OR51B5: variants seen among roughly 807,000 people sequenced by gnomAD.
OR51B5 encodes the protein olfactory receptor family 51 subfamily B member 5.
For missense variants in OR51B5, 456 were observed against 374.6 expected (o/e 1.22, Z -1.79); for synonymous variants, 186 against 144.8 (o/e 1.28, Z -2.04).
intron 1 of OR51B5, chr11:5,454,327 A>G: frequency 6.2e-7 from 1 of 1,614,178 alleles, no homozygotes; most frequent in Non-Finnish European, 8.5e-7. Context: ...TCAAATGTGT[A>G]CCTATTTGTG....
chr11:5,454,459 T>A, intron 1 of OR51B5: 1 of 1,540,030 alleles, frequency 6.5e-7, no homozygotes, highest in South Asian at 1.2e-5. Context: ...TCTGTTATTT[T>A]GGCCATAGGC....
intron 1 of OR51B5, among the ~76,000 whole-genome samples, chr11:5,398,447 C>G (rs1398764022): frequency 6.6e-6 from 1 of 152,104 alleles, no homozygotes; most frequent in East Asian, 1.9e-4. Flanking sequence ...GGGCAGCATT[C>G]CAGCCCCAGG....
rs776443251 is a variant in OR51B5 at position 5,422,586 on chromosome 11, G to C, written n.85-75676C>G. Reference sequence around the variant, plus strand: ...TCCGTTGACTGCTATGTGGCCATCTGCTGTCCCCTCCATTATGCCTCCATC... The same window carrying C: ...TCCGTTGACTGCTATGTGGCCATCTCCTGTCCCCTCCATTATGCCTCCATC... On this transcript the variant is annotated intron_variant and non_coding_transcript_variant, in intron 1 of 4. Coordinates refer to the OR51B5 transcript ENST00000415970. 5.6e-6 allele frequency: 9 copies of C among 1,614,090 alleles called. 1 individual carries two copies. The South Asian group carries it at 9.9e-5, about 18-fold the overall frequency.
intron 1 of OR51B5, among the ~76,000 whole-genome samples, chr11:5,466,155 A>C (rs961673378): frequency 6.6e-6 from 1 of 152,256 alleles, no homozygotes; most frequent in Non-Finnish European, 1.5e-5. Flanking sequence ...TTGATAATTT[A>C]TCATTTACGT....
intron 1 of OR51B5, among the ~76,000 whole-genome samples, chr11:5,487,529 C>G (rs1337867000): frequency 6.6e-6 from 1 of 152,124 alleles, no homozygotes; most frequent in African/African-American, 2.4e-5. Flanking sequence ...GAGATTTGTT[C>G]AAAGTCACAA....
At chr11:5,417,801 T>C (rs986453254) in intron 1 of OR51B5, among the ~76,000 whole-genome samples, 3 of 125,780 alleles carry the variant, frequency 2.4e-5, no homozygotes, top group African/African-American at 8.4e-5. Context: ...TGTGGAGAAA[T>C]AGGAACACTT....
chr11:5,429,440 G>C (rs1317859826), intron 1 of OR51B5, among the ~76,000 whole-genome samples: 1 of 152,180 alleles, frequency 6.6e-6, no homozygotes, highest in Non-Finnish European at 1.5e-5. Flanking sequence ...ATAATATGTG[G>C]TGAGGACAAT....
intron 1 of OR51B5, among the ~76,000 whole-genome samples, chr11:5,396,226 C>A (rs1179444667): frequency 6.6e-6 from 1 of 152,110 alleles, no homozygotes; most frequent in South Asian, 2.1e-4. Context: ...CCCGGGCAAT[C>A]GGGCAGGAGA....
rs376981809 is a variant in OR51B5 at position 5,489,617 on chromosome 11, G to A, written n.84+15952C>T. On this transcript the variant is annotated intron_variant and non_coding_transcript_variant, in intron 1 of 4. Transcript: ENST00000415970. ...TATGGAGCTAGAACCAAGGAGATTCGGAGTCGACTTCTAAAACTGCTTCAC... is the reference window on the plus strand; with the variant it reads ...TATGGAGCTAGAACCAAGGAGATTCAGAGTCGACTTCTAAAACTGCTTCAC... The A allele has an allele frequency of 4.2e-5, 67 of 1,613,730 alleles. No homozygotes were observed. In the East Asian group the frequency reaches 6.2e-4, roughly 15 times the overall value.
intron 1 of OR51B5, among the ~76,000 whole-genome samples, chr11:5,465,344 C>G (rs550536818): frequency 2.8e-4 from 42 of 150,874 alleles, no homozygotes; most frequent in African/African-American, 9.2e-4. Context: ...TTGCATTTCT[C>G]TGATGGCCAG....
At chr11:5,419,043 T>A (rs1850289485) in intron 1 of OR51B5, among the ~76,000 whole-genome samples, 1 of 152,182 alleles carries the variant, frequency 6.6e-6, no homozygotes, top group Non-Finnish European at 1.5e-5. Context: ...TATATCCTAG[T>A]ATGACATCTG....
intron 1 of OR51B5, among the ~76,000 whole-genome samples, chr11:5,494,050 T>C (rs1217699939): frequency 4.6e-5 from 7 of 152,220 alleles, no homozygotes; most frequent in Admixed American, 6.5e-5. Flanking sequence ...CTGAGCCTCA[T>C]AGCTGGCTGT....
At chr11:5,404,442 G>A (rs1351858002) in intron 1 of OR51B5, among the ~76,000 whole-genome samples, 1 of 152,108 alleles carries the variant, frequency 6.6e-6, no homozygotes, top group African/African-American at 2.4e-5. Context: ...TCTAGCTAAC[G>A]GTTTGTAAAC....
At chr11:5,489,969 A>G (rs447591) in intron 1 of OR51B5, among the ~76,000 whole-genome samples, 146,623 of 152,292 alleles carry the variant, frequency 0.96, 70,606 homozygotes, top group South Asian at 0.99. Context: ...TGGATTTAAG[A>G]GTAGGAATAT....
chr11:5,489,980 T>C (rs1851559016), intron 1 of OR51B5, among the ~76,000 whole-genome samples: 1 of 152,214 alleles, frequency 6.6e-6, no homozygotes, highest in Non-Finnish European at 1.5e-5. Context: ...GTAGGAATAT[T>C]CTCCTGTGAC....
chr11:5,499,542 CAGGGACCTCAACT>C lies in OR51B5; in HGVS notation n.84+6014_84+6026del, dbSNP rs1343921868. Reference sequence around the variant, plus strand: ...CTTGTCATCTCCACTTGAAGTCTAACAGGGACCTCAACTAGCAGGGTCAAAACAGTATTTTTTA... The same window carrying C: ...CTTGTCATCTCCACTTGAAGTCTAACAGCAGGGTCAAAACAGTATTTTTTA... On this transcript the variant is annotated intron_variant and non_coding_transcript_variant, in intron 1 of 4. Transcript: ENST00000415970. 5.9e-5 allele frequency among the ~76,000 whole-genome samples: 9 copies of C among 152,304 alleles called. No individual in the cohort carries two copies. In the East Asian group the frequency reaches 1.4e-3, roughly 23 times the overall value.
chr11:5,472,321 G>A (rs538134011), intron 1 of OR51B5, among the ~76,000 whole-genome samples: 15 of 152,222 alleles, frequency 9.9e-5, no homozygotes, highest in Admixed American at 4.6e-4. Context: ...AAAGGATTTC[G>A]AAGCTATGAA....
At chr11:5,485,364 T>C (rs1363885498) in intron 1 of OR51B5, among the ~76,000 whole-genome samples, 5 of 152,166 alleles carry the variant, frequency 3.3e-5, no homozygotes, top group Non-Finnish European at 7.4e-5. Context: ...TAGAAATAGA[T>C]GTATCTTTCC....
rs1291590197 is a variant in OR51B5, at chr11:5,457,928, T to C, written n.84+47641A>G. Reference sequence around the variant, plus strand: ...TTCTGTATGTTGTCTATTCAGTCTATTGATAGCTTCTTTTGCTGTGCCAAA... The same window carrying C: ...TTCTGTATGTTGTCTATTCAGTCTACTGATAGCTTCTTTTGCTGTGCCAAA... On this transcript the variant is annotated intron_variant and non_coding_transcript_variant, in intron 1 of 4. Coordinates refer to the OR51B5 transcript ENST00000415970. 2.0e-5 allele frequency among the ~76,000 whole-genome samples: 3 copies of C among 152,176 alleles called. No homozygotes were observed. The East Asian group carries it at 5.8e-4, about 29-fold the overall frequency.
Sources: allele counts gnomAD v4.1 joint callset (sites outside exome capture counted in the v4.1 genomes callset), GRCh38; gene constraint gnomAD v4.1.1; transcripts MANE v1.5; gene names NCBI Gene and HGNC (gene_info 2026-07-23, HGNC 2026-07-21).